The following ETV1 variants were observed in gnomAD, a reference collection of about 807,000 sequenced individuals.
The protein encoded by ETV1 is ETS translocation variant 1.
ETV1 carries 27 observed loss-of-function variants against 62.3 expected under a neutral mutation model. That is an observed-to-expected ratio of 0.43 (90% CI 0.32 to 0.60). The LOEUF is 0.60. Among genes scored for constraint, ETV1 ranks in the 20% least tolerant of loss-of-function variants. The probability of loss-of-function intolerance (pLI) is 0.06; values close to 1 mark genes in which losing one functional copy is unlikely to be tolerated. For synonymous variants in ETV1, 222 were observed against 199.6 expected (o/e 1.11, Z -0.94); for missense variants, 605 against 605.8 (o/e 1.00, Z 0.01).
rs765201971 is a variant in ETV1, at chr7:13,895,054, G to T, written c.*812C>A. 4 of 233,114 alleles carry T rather than the reference G, an allele frequency of 1.7e-5. No homozygotes were observed. The highest frequency in any genetic ancestry group is 3.4e-5 in the Non-Finnish European group (4 of 117,844). 14.4% of individuals were successfully genotyped at this position (233,114 alleles called of 1,614,324 possible). On this transcript the variant is annotated 3_prime_UTR_variant, in exon 14 of 14. Coordinates refer to ENST00000430479, the MANE Select transcript of ETV1 (RefSeq NM_004956.5). ...TAACATTTAAATGAAGATTCCAAAG[G>T]ACCATGACATGTCATTATTTAACTG...
At position 13,893,436 on chromosome 7, in the gene ETV1, T is replaced by G. The variant is rs1467528071; in HGVS notation, c.*2430A>C. 1 of 230,580 alleles carries G rather than the reference T, an allele frequency of 4.3e-6. No individual in the cohort carries two copies. Among genetic ancestry groups the G allele is most frequent in the East Asian group, 6.2e-5 (1 of 16,082 alleles). 14.3% of individuals were successfully genotyped at this position (230,580 alleles called of 1,614,324 possible). On this transcript the variant is annotated 3_prime_UTR_variant, in exon 14 of 14. Coordinates refer to ENST00000430479, the MANE Select transcript of ETV1 (RefSeq NM_004956.5). ...TTCTGTATTGGAAATACACTTAATG[T>G]TGGTCAATTATGTATTTAGTTCAGT... is the stretch of plus-strand genomic sequence containing the variant.
intron 6 of ETV1, among the ~76,000 whole-genome samples, chr7:13,941,612 T>A (rs1030649245): frequency 2.6e-5 from 4 of 152,160 alleles, no homozygotes; most frequent in Admixed American, 6.5e-5. Context: ...GGCTCACACC[T>A]GTAATCCCAG....
Position 13,895,739 on chromosome 7 carries a change from C to CCT in ETV1, c.*125_*126dup, listed in dbSNP as rs1781706553. 1.4e-6 allele frequency: 1 copy of CCT among 713,726 alleles called. No homozygotes were observed. The highest frequency in any genetic ancestry group is 2.4e-6 in the Non-Finnish European group (1 of 425,396). 44.2% of individuals were successfully genotyped at this position (713,726 alleles called of 1,614,324 possible). ...ATAGAATAATGCAACAGGAAAAGCCCCTTTTTGTGTATTATTATTTAAAAA... is the reference window on the plus strand; with the variant it reads ...ATAGAATAATGCAACAGGAAAAGCCCCTCTTTTTGTGTATTATTATTTAAAAA... On this transcript the variant is annotated 3_prime_UTR_variant, in exon 14 of 14. Coordinates refer to ENST00000430479, the MANE Select transcript of ETV1 (RefSeq NM_004956.5).
At chr7:13,911,174 C>A in intron 10 of ETV1, 65 bp downstream of exon 10, 1 of 1,050,118 alleles carries the variant, frequency 9.5e-7, no homozygotes, top group Non-Finnish European at 1.5e-6. Context: ...TAAATGACGT[C>A]ATATTTGGGA....
intron 9 of ETV1, among the ~76,000 whole-genome samples, chr7:13,924,785 C>G (rs1006367647): frequency 6.6e-6 from 1 of 152,166 alleles, no homozygotes; most frequent in African/African-American, 2.4e-5. Context: ...GGATGAACCT[C>G]AGATATTTAT....
rs545257842 is a variant in ETV1, at chr7:13,957,419, G to A, written c.236-18173C>T. ...TGAGATGCTTAGATGGTGGCATCAAGCCCATTTGAATGAACAGGTATTACA... is the reference window on the plus strand; with the variant it reads ...TGAGATGCTTAGATGGTGGCATCAAACCCATTTGAATGAACAGGTATTACA... On this transcript the variant is annotated intron_variant, in intron 6 of 13. Coordinates refer to ENST00000430479, the MANE Select transcript of ETV1 (RefSeq NM_004956.5). Among the ~76,000 whole-genome samples the A allele has an allele frequency of 1.4e-4, 22 of 152,234 alleles. No individual in the cohort carries two copies. The South Asian group carries it at 4.6e-3, about 32-fold the overall frequency.
chr7:13,894,185 C>T lies in ETV1; in HGVS notation c.*1681G>A, dbSNP rs1781582584. 4 of 226,286 alleles carry T rather than the reference C, an allele frequency of 1.8e-5. No individual in the cohort carries two copies. The South Asian group carries it at 7.5e-4, about 42-fold the overall frequency. 14.0% of individuals were successfully genotyped at this position (226,286 alleles called of 1,614,324 possible). On this transcript the variant is annotated 3_prime_UTR_variant, in exon 14 of 14. Coordinates refer to ENST00000430479, the MANE Select transcript of ETV1 (RefSeq NM_004956.5). ...TTTTTTTTTTGCTTTTTGCTATAGA[C>T]TCTTTAAAAAAGTTGTTCTTCTGGA...
chr7:13,895,695 G>C lies in ETV1; in HGVS notation c.*171C>G. ...ACTCCCACCCACCCTCAAATAAAGTGCACAGTCCATGGCAGACCATAGAAT... is the reference window on the plus strand; with the variant it reads ...ACTCCCACCCACCCTCAAATAAAGTCCACAGTCCATGGCAGACCATAGAAT... On this transcript the variant is annotated 3_prime_UTR_variant, in exon 14 of 14. Coordinates refer to ENST00000430479, the MANE Select transcript of ETV1 (RefSeq NM_004956.5). 1 of 599,254 alleles carries C rather than the reference G, an allele frequency of 1.7e-6. No individual in the cohort carries two copies. Among genetic ancestry groups the C allele is most frequent in the Non-Finnish European group, 3.0e-6 (1 of 338,406 alleles). The allele number at this position is 599,254 out of a possible 1,614,324, so 37.1% of individuals were successfully genotyped here.
At chr7:13,981,163 T>C (rs1298506249) in intron 5 of ETV1, among the ~76,000 whole-genome samples, 1 of 152,026 alleles carries the variant, frequency 6.6e-6, no homozygotes, top group Non-Finnish European at 1.5e-5. Flanking sequence ...AAGGGGTTAA[T>C]ATTTAATTAA....
upstream of ETV1, chr7:13,991,357 C>T (rs1782994226): frequency 6.6e-6 from 1 of 152,332 alleles, no homozygotes; most frequent in Non-Finnish European, 1.5e-5. Context: ...TGACGGGTAT[C>T]CAGGGTAACC....
intron 8 of ETV1, among the ~76,000 whole-genome samples, chr7:13,934,104 C>T (rs1583689649): frequency 6.6e-6 from 1 of 152,168 alleles, no homozygotes; most frequent in African/African-American, 2.4e-5. Flanking sequence ...TTCAGCTCTG[C>T]ACAATGTCCA....
intron 6 of ETV1, among the ~76,000 whole-genome samples, chr7:13,970,263 A>AACACACACACACACACACACAC (rs71033966): frequency 3.2e-5 from 4 of 126,666 alleles, no homozygotes; most frequent in African/African-American, 9.4e-5. Context: ...CCCATCTCAA[A>AACACACACACACACACACACAC]ACACACACAC....
At chr7:13,932,533 G>C (rs986396394) in intron 8 of ETV1, among the ~76,000 whole-genome samples, 1 of 152,152 alleles carries the variant, frequency 6.6e-6, no homozygotes, top group Admixed American at 6.5e-5. Flanking sequence ...GGCAAGTCCC[G>C]CTGTTAGGAC....
At chr7:13,914,374 T>A (rs1385209979) in intron 9 of ETV1, among the ~76,000 whole-genome samples, 2 of 152,122 alleles carry the variant, frequency 1.3e-5, no homozygotes, top group Non-Finnish European at 2.9e-5. Context: ...ACTGGCCAAA[T>A]CAGCTTACAG....
In ETV1 at chr7:13,908,662, G is replaced by A. The variant is rs140097358; in HGVS notation, c.940+970C>T. Among the ~76,000 whole-genome samples, 63 of 152,156 alleles carry A rather than the reference G, an allele frequency of 4.1e-4. 1 individual carries two copies. The East Asian group carries it at 9.3e-3, about 22-fold the overall frequency. ...AAGCAGATCTTCCCTAGACTTACCA[G>A]CCCTTCTGAGAAGGGTAAGGGTAGC... On this transcript the variant is annotated intron_variant, in intron 11 of 13. Transcript: ENST00000430479.
intron 6 of ETV1, among the ~76,000 whole-genome samples, chr7:13,953,353 T>C (rs1789045663): frequency 6.6e-6 from 1 of 152,198 alleles, no homozygotes. Flanking sequence ...CTACAGAAAT[T>C]GTCCCACTTT....
chr7:13,902,863 G>C (rs945232404), intron 12 of ETV1, among the ~76,000 whole-genome samples: 2 of 152,128 alleles, frequency 1.3e-5, no homozygotes, highest in African/African-American at 4.8e-5. Context: ...TATCATGCCA[G>C]TTCATTCTCA....
chr7:13,913,212 A>G (rs1359776332), intron 9 of ETV1, among the ~76,000 whole-genome samples: 1 of 152,272 alleles, frequency 6.6e-6, no homozygotes, highest in African/African-American at 2.4e-5. Flanking sequence ...TACAAAGTTC[A>G]ACAACCGTAA....
intron 6 of ETV1, among the ~76,000 whole-genome samples, chr7:13,944,421 G>A (rs1787918070): frequency 6.6e-6 from 1 of 152,142 alleles, no homozygotes; most frequent in Non-Finnish European, 1.5e-5. Flanking sequence ...AGCTCCCTGC[G>A]ATCTCTTTAG....
Sources: allele counts gnomAD v4.1 joint callset (sites outside exome capture counted in the v4.1 genomes callset), GRCh38; gene constraint gnomAD v4.1.1; transcripts MANE v1.5; gene names NCBI Gene and HGNC (gene_info 2026-07-23, HGNC 2026-07-21).